The following CHST8 variants were observed in gnomAD, a reference collection of about 807,000 sequenced individuals.
CHST8 encodes the protein carbohydrate sulfotransferase 8.
In CHST8, 10 loss-of-function variants were observed where a neutral mutation model predicts 15.0. The ratio of observed to expected loss-of-function variants is 0.67; its 90% CI spans 0.41 to 1.13. The LOEUF is 1.13. Ranked by LOEUF, CHST8 falls within the 50% of genes most tolerant of loss-of-function variation. The pLI is 0.00. For synonymous variants in CHST8, 259 were observed against 256.6 expected (o/e 1.01, Z -0.09); for missense variants, 634 against 608.2 (o/e 1.04, Z -0.45).
intron 1 of CHST8, among the ~76,000 whole-genome samples, chr19:33,662,576 T>C (rs1415404889): frequency 6.6e-6 from 1 of 151,800 alleles, no homozygotes; most frequent in Non-Finnish European, 1.5e-5. Flanking sequence ...TGTGAGGGGG[T>C]GCCTGGAGTC....
chr19:33,759,682 G>A (rs1420383114), intron 3 of CHST8, among the ~76,000 whole-genome samples: 3 of 152,182 alleles, frequency 2.0e-5, no homozygotes, highest in Non-Finnish European at 4.4e-5. Context: ...TGGGAGACCT[G>A]TAGTCAGGTC....
intron 3 of CHST8, among the ~76,000 whole-genome samples, chr19:33,706,806 C>T (rs527312630): frequency 5.9e-5 from 9 of 152,312 alleles, no homozygotes; most frequent in African/African-American, 1.7e-4. Context: ...CAACTGTGCG[C>T]GTCAAGCGTG....
At chr19:33,687,778 C>G (rs1973010347) in intron 2 of CHST8, among the ~76,000 whole-genome samples, 2 of 152,212 alleles carry the variant, frequency 1.3e-5, no homozygotes, top group South Asian at 2.1e-4. Context: ...CTCTTCCCAT[C>G]TCTCATGCTC....
intron 3 of CHST8, among the ~76,000 whole-genome samples, chr19:33,741,216 G>C: frequency 6.6e-6 from 1 of 152,226 alleles, no homozygotes; most frequent in East Asian, 1.9e-4. Context: ...TGCCTGTAAC[G>C]TCAGTCCTGC....
intron 2 of CHST8, among the ~76,000 whole-genome samples, chr19:33,683,895 ACT>A (rs1178603205): frequency 2.0e-5 from 3 of 152,122 alleles, no homozygotes; most frequent in Non-Finnish European, 4.4e-5. Flanking sequence ...AGCATTCTAG[ACT>A]CTGCCAGGAT....
chr19:33,661,622 T>C (rs1972586024), intron 1 of CHST8, among the ~76,000 whole-genome samples: 1 of 152,250 alleles, frequency 6.6e-6, no homozygotes, highest in African/African-American at 2.4e-5. Flanking sequence ...CCCTGCAGGC[T>C]GCTCAGTTCC....
In CHST8 at chr19:33,655,335, C is replaced by G. The variant is rs900520562; in HGVS notation, c.-163-12432C>G. Among the ~76,000 whole-genome samples the G allele has an allele frequency of 4.6e-5, 7 of 152,304 alleles. No homozygotes were observed. In the East Asian group the frequency reaches 5.8e-4, roughly 13 times the overall value. On this transcript the variant is annotated intron_variant, in intron 1 of 4. Transcript: ENST00000650847. ...TACAGGCATGAGCCACCGCGCCCAG[C>G]CTTCCATGTCCTTTTATTTAGGATT...
chr19:33,695,777 TG>T (rs1599560714), intron 3 of CHST8, among the ~76,000 whole-genome samples: 1 of 151,868 alleles, frequency 6.6e-6, no homozygotes, highest in East Asian at 1.9e-4. Context: ...TAGTATTCCA[TG>T]GTGTATATAT....
intron 1 of CHST8, among the ~76,000 whole-genome samples, chr19:33,666,927 C>T (rs892959085): frequency 6.6e-6 from 1 of 152,142 alleles, no homozygotes; most frequent in Admixed American, 6.5e-5. Flanking sequence ...GTCTTGAACT[C>T]CTGGCCTCAA....
intron 3 of CHST8, among the ~76,000 whole-genome samples, chr19:33,744,744 T>A (rs1394240915): frequency 6.6e-6 from 1 of 151,954 alleles, no homozygotes; most frequent in Non-Finnish European, 1.5e-5. Flanking sequence ...AATTAATTGA[T>A]TTATTATTTA....
At chr19:33,666,285 G>T (rs369630002) in intron 1 of CHST8, among the ~76,000 whole-genome samples, 1 of 152,198 alleles carries the variant, frequency 6.6e-6, no homozygotes, top group African/African-American at 2.4e-5. Context: ...GGCTGAGTGT[G>T]AGCATGTGTG....
At chr19:33,631,534 G>A (rs1022978134) in intron 1 of CHST8, among the ~76,000 whole-genome samples, 4 of 152,266 alleles carry the variant, frequency 2.6e-5, no homozygotes, top group African/African-American at 7.2e-5. Context: ...AAGTCATTTA[G>A]CGAGGATTAC....
intron 3 of CHST8, among the ~76,000 whole-genome samples, chr19:33,736,322 T>C (rs1974083387): frequency 6.6e-6 from 1 of 152,220 alleles, no homozygotes; most frequent in Admixed American, 6.5e-5. Flanking sequence ...ATGCTGCTAA[T>C]CAGGATGGAG....
At chr19:33,724,524 C>G (rs557510763) in intron 3 of CHST8, among the ~76,000 whole-genome samples, 1 of 152,340 alleles carries the variant, frequency 6.6e-6, no homozygotes, top group Non-Finnish European at 1.5e-5. Flanking sequence ...ATAATTGAAG[C>G]TCCATTAAAA....
intron 2 of CHST8, among the ~76,000 whole-genome samples, chr19:33,674,317 T>C (rs897654083): frequency 1.1e-4 from 17 of 152,218 alleles, no homozygotes; most frequent in Admixed American, 7.2e-4. Context: ...CTTCCCCCAG[T>C]CCCAATTAAC....
rs1975050205 is a variant in CHST8 at position 33,773,204 on chromosome 19, C to G, written c.*141C>G. ...GCCATCGCTGTGGGAGGCAGCAGGC[C>G]CCGGGTGGGGGGCAGAGGCGCCCAG... On this transcript the variant is annotated 3_prime_UTR_variant, in exon 5 of 5. Transcript: ENST00000650847. The G allele has an allele frequency of 9.6e-7, 1 of 1,036,866 alleles. No individual in the cohort carries two copies. The highest frequency in any genetic ancestry group is 1.4e-6 in the Non-Finnish European group (1 of 737,560). 64.2% of individuals were successfully genotyped at this position (1,036,866 alleles called of 1,614,324 possible). A position where few individuals can be genotyped will look rare whatever the true frequency, so the allele number is the denominator to read the frequency against.
At chr19:33,717,617 T>C (rs1973686633) in intron 3 of CHST8, among the ~76,000 whole-genome samples, 1 of 152,128 alleles carries the variant, frequency 6.6e-6, no homozygotes, top group South Asian at 2.1e-4. Context: ...TTCTTAGAAC[T>C]GTAGTGCCAC....
chr19:33,768,451 T>C (rs990301566), intron 3 of CHST8, among the ~76,000 whole-genome samples: 4 of 152,132 alleles, frequency 2.6e-5, no homozygotes, highest in African/African-American at 9.7e-5. Flanking sequence ...TCTTTTTCTT[T>C]ATTTTATTTT....
chr19:33,740,933 C>T (rs1472780892), intron 3 of CHST8, among the ~76,000 whole-genome samples: 2 of 152,182 alleles, frequency 1.3e-5, no homozygotes, highest in Non-Finnish European at 2.9e-5. Flanking sequence ...TTCCCCGGGT[C>T]CTCCTATCCC....
Sources: allele counts gnomAD v4.1 joint callset (sites outside exome capture counted in the v4.1 genomes callset), GRCh38; gene constraint gnomAD v4.1.1; transcripts MANE v1.5; gene names NCBI Gene and HGNC (gene_info 2026-07-23, HGNC 2026-07-21).